Variants in RPTOR observed in about 807,000 individuals in gnomAD.
RPTOR encodes the protein regulatory-associated protein of mTOR.
RPTOR carries 21 observed loss-of-function variants against 169.9 expected under a neutral mutation model. The ratio of observed to expected loss-of-function variants is 0.12; its 90% CI spans 0.09 to 0.18. The LOEUF is 0.18. RPTOR is among the 10% of genes least tolerant of loss of function. RPTOR has a pLI of 1.00. For missense variants in RPTOR, 1,133 were observed against 1,855.9 expected, an observed-to-expected ratio of 0.61 and a Z score of 7.16; for synonymous variants, 732 against 753.2, an observed-to-expected ratio of 0.97 and a Z score of 0.46.
intron 4 of RPTOR, among the ~76,000 whole-genome samples, chr17:80,709,980 CT>C (rs772968444): frequency 2.8e-3 from 399 of 143,086 alleles, no homozygotes; most frequent in Middle Eastern, 7.4e-3. Context: ...ACTTACAAAA[CT>C]TTTTTTTTTT....
intron 5 of RPTOR, among the ~76,000 whole-genome samples, chr17:80,733,206 G>C (rs1205283574): frequency 6.6e-6 from 1 of 152,138 alleles, no homozygotes; most frequent in Non-Finnish European, 1.5e-5. Flanking sequence ...CACAGATACA[G>C]TATTGCACAC....
chr17:80,594,442 C>T (rs1568324675), intron 1 of RPTOR, among the ~76,000 whole-genome samples: 1 of 152,302 alleles, frequency 6.6e-6, no homozygotes, highest in East Asian at 1.9e-4. Context: ...AGTTCGATAC[C>T]AGCGTTTCTA....
At chr17:80,808,380 C>T (rs977298663) in intron 7 of RPTOR, among the ~76,000 whole-genome samples, 4 of 152,072 alleles carry the variant, frequency 2.6e-5, no homozygotes, top group African/African-American at 4.8e-5. Flanking sequence ...GCTCGTGATG[C>T]ACCACTGCAC....
chr17:80,665,727 A>T (rs1485585043), intron 3 of RPTOR, among the ~76,000 whole-genome samples: 27 of 151,562 alleles, frequency 1.8e-4, no homozygotes, highest in African/African-American at 6.3e-4. Context: ...TTGTATTTTT[A>T]GTAGAGATGG....
chr17:80,907,914 T>G (rs1323851471), intron 20 of RPTOR, among the ~76,000 whole-genome samples: 3 of 151,710 alleles, frequency 2.0e-5, no homozygotes, highest in Non-Finnish European at 4.4e-5. Flanking sequence ...ACAGAAGGAG[T>G]CACTCTCGCT....
intron 5 of RPTOR, among the ~76,000 whole-genome samples, chr17:80,748,534 G>T (rs2066600437): frequency 8.1e-6 from 1 of 123,356 alleles, no homozygotes; most frequent in African/African-American, 3.3e-5. Context: ...TAGAGGCCAT[G>T]GCGGGAGGAC....
chr17:80,891,028 C>T (rs1409205940), intron 17 of RPTOR, among the ~76,000 whole-genome samples: 2 of 151,992 alleles, frequency 1.3e-5, no homozygotes, highest in African/African-American at 2.4e-5. Context: ...GGGAAAAAAA[C>T]GTTCTTTCCG....
chr17:80,636,690 A>G (rs2065509447), intron 2 of RPTOR, among the ~76,000 whole-genome samples: 2 of 152,228 alleles, frequency 1.3e-5, no homozygotes, highest in Admixed American at 6.5e-5. Flanking sequence ...CACTAGCCCC[A>G]GTATCCCCAC....
In RPTOR at chr17:80,950,287, G is replaced by A. The variant is rs57522170; in HGVS notation, c.3370+740G>A. 6.8e-3 allele frequency among the ~76,000 whole-genome samples: 1,037 copies of A among 152,336 alleles called. 19 individuals are homozygous for A. Among genetic ancestry groups the A allele is most frequent in the African/African-American group, 0.024 (990 of 41,574 alleles). On this transcript the variant is annotated intron_variant, in intron 28 of 33. Transcript: ENST00000306801. ...CAGCCCCCCTCTGCCGGCTCCTGCC[G>A]GTTTGTGATTTCTGTGTCTTCGTCT...
chr17:80,796,062 G>C (rs1013652290), intron 7 of RPTOR, among the ~76,000 whole-genome samples: 1 of 152,246 alleles, frequency 6.6e-6, no homozygotes, highest in Admixed American at 6.5e-5. Context: ...AGGCGCCAGA[G>C]AGGCCGTGCT....
intron 33 of RPTOR, 99 bp downstream of exon 33, chr17:80,963,156 C>T: frequency 8.3e-7 from 1 of 1,201,730 alleles, no homozygotes; most frequent in South Asian, 1.4e-5. Context: ...GGCTACCCCA[C>T]ACCACAGTGG....
chr17:80,580,783 C>T (rs1283640511), intron 1 of RPTOR, among the ~76,000 whole-genome samples: 1 of 152,038 alleles, frequency 6.6e-6, no homozygotes, highest in African/African-American at 2.4e-5. Context: ...CCACCATACC[C>T]GGCTAATTTT....
chr17:80,767,204 C>G (rs542990914), intron 6 of RPTOR, among the ~76,000 whole-genome samples: 1 of 152,266 alleles, frequency 6.6e-6, no homozygotes, highest in East Asian at 1.9e-4. Context: ...AAAACCCCAT[C>G]TCTACAAAAT....
chr17:80,653,311 G>A (rs914647454), intron 3 of RPTOR, among the ~76,000 whole-genome samples: 2 of 152,200 alleles, frequency 1.3e-5, no homozygotes, highest in Non-Finnish European at 2.9e-5. Context: ...GGGAGGCCAA[G>A]ACAGGAGGAT....
chr17:80,900,219 C>T (rs750172426), intron 20 of RPTOR, among the ~76,000 whole-genome samples: 1 of 152,106 alleles, frequency 6.6e-6, no homozygotes, highest in Non-Finnish European at 1.5e-5. Flanking sequence ...CCGTCTCCTC[C>T]CCGCCTCGCA....
chr17:80,730,114 T>G lies in RPTOR; in HGVS notation c.508-446T>G, dbSNP rs1035515170. The stretch of plus-strand genomic sequence containing the variant: ...ATGTGGAGAAATTCAGTTTGATGGT[T>G]TTTGTTTTTTGAGACTGAGTCTCGC... On this transcript the variant is annotated intron_variant, in intron 4 of 33. Coordinates refer to ENST00000306801, the MANE Select transcript of RPTOR (RefSeq NM_020761.3). This position sits in a 1 kb window ranked among gnomAD's most constrained non-coding sequence, Gnocchi z 4.2. Among the ~76,000 whole-genome samples the G allele has an allele frequency of 1.1e-4, 16 of 152,220 alleles. No individual in the cohort carries two copies. Among genetic ancestry groups the G allele is most frequent in the Middle Eastern group, 6.8e-3 (2 of 294 alleles).
chr17:80,621,786 G>T (rs748987173), intron 1 of RPTOR, among the ~76,000 whole-genome samples: 12 of 152,232 alleles, frequency 7.9e-5, no homozygotes, highest in African/African-American at 2.9e-4. Context: ...GAATTTCCCG[G>T]GGGCAAGAAA....
chr17:80,932,322 G>A (rs149955950), intron 24 of RPTOR, among the ~76,000 whole-genome samples: 24 of 152,106 alleles, frequency 1.6e-4, no homozygotes, highest in African/African-American at 4.8e-4. Flanking sequence ...CCTTGGCAAC[G>A]CAGCAAGACC....
In RPTOR at chr17:80,965,319, C is replaced by T. The variant is rs943806488; in HGVS notation, c.*989C>T. On this transcript the variant is annotated 3_prime_UTR_variant, in exon 34 of 34. Transcript: ENST00000306801. ...TCTGTCCCCACACGTTCCTCACATACAGGCAAGAGGCACTGCCGGGTCCCG... is the reference window on the plus strand; with the variant it reads ...TCTGTCCCCACACGTTCCTCACATATAGGCAAGAGGCACTGCCGGGTCCCG... 8.6e-6 allele frequency: 2 copies of T among 233,184 alleles called. No homozygotes were observed. The highest frequency in any genetic ancestry group is 1.7e-5 in the Non-Finnish European group (2 of 118,050). The allele number at this position is 233,184 out of a possible 1,614,324, so 14.4% of individuals were successfully genotyped here.
Sources: allele counts gnomAD v4.1 joint callset (sites outside exome capture counted in the v4.1 genomes callset), GRCh38; gene constraint gnomAD v4.1.1; non-coding constraint Gnocchi (gnomAD v3.1); transcripts MANE v1.5; gene names NCBI Gene and HGNC (gene_info 2026-07-23, HGNC 2026-07-21).